Variants in NLGN4X observed in about 807,000 individuals in gnomAD.
NLGN4X encodes the protein neuroligin-4, X-linked.
A neutral mutation model predicts 40.3 loss-of-function variants in NLGN4X; 3 were observed. The observed-to-expected ratio is 0.07, with a 90% CI of 0.03 to 0.19. The LOEUF (loss-of-function observed/expected upper bound fraction) is 0.19. Among genes scored for constraint, NLGN4X ranks in the 10% least tolerant of loss-of-function variants. NLGN4X has a pLI of 1.00. For synonymous variants in NLGN4X, 270 were observed against 306.8 expected, an observed-to-expected ratio of 0.88 and a Z score of 1.25; for missense variants, 382 against 708.3, an observed-to-expected ratio of 0.54 and a Z score of 5.23.
intron 2 of NLGN4X, among the ~76,000 whole-genome samples, chrX:6,146,941 C>T (rs2040059541): frequency 9.1e-6 from 1 of 109,920 alleles, no homozygotes; most frequent in African/African-American, 3.3e-5. Context: ...CAGGCGCACA[C>T]CACCATGCCC....
chrX:5,996,029 CAAG>C (rs963353053), intron 3 of NLGN4X, among the ~76,000 whole-genome samples: 1 of 98,229 alleles, frequency 1.0e-5, no homozygotes, highest in African/African-American at 3.3e-5. Context: ...CATTTCTGTA[CAAG>C]ATGACACATG....
At chrX:5,907,102 G>C (rs1357045538) in intron 4 of NLGN4X, among the ~76,000 whole-genome samples, 4 of 110,880 alleles carry the variant, frequency 3.6e-5, no homozygotes, top group African/African-American at 1.3e-4. Flanking sequence ...ATTCCATGAA[G>C]GTTTTGAGAA....
At chrX:5,937,988 A>T (rs1372802203) in intron 3 of NLGN4X, among the ~76,000 whole-genome samples, 1 of 111,714 alleles carries the variant, frequency 9.0e-6, no homozygotes, top group African/African-American at 3.3e-5. Context: ...GGACTAAGAG[A>T]CTCAAATCCC....
chrX:6,174,725 T>C (rs1267457727), intron 1 of NLGN4X, among the ~76,000 whole-genome samples: 3 of 111,740 alleles, frequency 2.7e-5, no homozygotes, highest in Non-Finnish European at 5.6e-5. Flanking sequence ...TTCTCACTTA[T>C]AAGTGGGAGC....
chrX:6,033,035 A>T (rs1227425490), intron 2 of NLGN4X, among the ~76,000 whole-genome samples: 1 of 8,054 alleles, frequency 1.2e-4, no homozygotes, highest in East Asian at 1.1e-3. Context: ...AAATGATGCT[A>T]CTGCAAAAAA....
intron 2 of NLGN4X, among the ~76,000 whole-genome samples, chrX:6,051,198 T>C (rs756703871): frequency 2.3e-4 from 26 of 112,162 alleles, no homozygotes; most frequent in Admixed American, 6.6e-4. Flanking sequence ...AGATACTATG[T>C]TGTCTCCTAT....
intron 2 of NLGN4X, among the ~76,000 whole-genome samples, chrX:6,076,358 A>G (rs979072671): frequency 8.9e-6 from 1 of 112,053 alleles, no homozygotes; most frequent in Non-Finnish European, 1.9e-5. Flanking sequence ...AGTCCTATCA[A>G]AATCAGCCAC....
intron 3 of NLGN4X, among the ~76,000 whole-genome samples, chrX:5,984,930 G>T (rs1223118786): frequency 9.0e-6 from 1 of 111,594 alleles, no homozygotes; most frequent in African/African-American, 3.3e-5. Context: ...AAAAAGTAAT[G>T]AAACATAAAT....
chrX:5,946,796 C>A (rs1397961861), intron 3 of NLGN4X, among the ~76,000 whole-genome samples: 1 of 111,010 alleles, frequency 9.0e-6, no homozygotes, highest in African/African-American at 3.3e-5. Flanking sequence ...AAGCCAAGTA[C>A]TCAATAGTTA....
At chrX:6,106,265 G>T (rs2039030882) in intron 2 of NLGN4X, among the ~76,000 whole-genome samples, 1 of 111,387 alleles carries the variant, frequency 9.0e-6, no homozygotes, top group South Asian at 3.8e-4. Context: ...AGGGACTCTG[G>T]ATCTGTATGT....
intron 3 of NLGN4X, among the ~76,000 whole-genome samples, chrX:5,995,633 A>G (rs2035796518): frequency 8.9e-6 from 1 of 112,385 alleles, no homozygotes; most frequent in South Asian, 3.7e-4. Flanking sequence ...AAGCACAGAT[A>G]TGAATTTTAG....
intron 3 of NLGN4X, among the ~76,000 whole-genome samples, chrX:5,920,212 A>G (rs2032975447): frequency 8.9e-6 from 1 of 112,259 alleles, no homozygotes; most frequent in Middle Eastern, 4.2e-3. Context: ...GGGTGAGGAG[A>G]ACAGAAGGAG....
intron 2 of NLGN4X, among the ~76,000 whole-genome samples, chrX:6,056,457 T>G (rs781221130): frequency 9.2e-6 from 1 of 108,188 alleles, no homozygotes; most frequent in African/African-American, 3.4e-5. Context: ...GCCAGGGTGA[T>G]AGAGGGAGAT....
At chrX:6,069,995 G>C (rs1055810295) in intron 2 of NLGN4X, among the ~76,000 whole-genome samples, 5 of 111,691 alleles carry the variant, frequency 4.5e-5, no homozygotes, top group African/African-American at 1.6e-4. Flanking sequence ...TCGTAGCTGG[G>C]TCAAGCTCAT....
At chrX:5,985,447 TA>T (rs1341284307) in intron 3 of NLGN4X, among the ~76,000 whole-genome samples, 1 of 110,025 alleles carries the variant, frequency 9.1e-6, no homozygotes. Context: ...TTTATTTATT[TA>T]TTTTTTTTTA....
intron 1 of NLGN4X, among the ~76,000 whole-genome samples, chrX:6,155,863 A>G (rs2040252190): frequency 8.9e-6 from 1 of 112,329 alleles, no homozygotes; most frequent in South Asian, 3.7e-4. Flanking sequence ...CACACTAGTC[A>G]GAATGGCTAT....
chrX:5,977,481 C>T (rs1300954340), intron 3 of NLGN4X, among the ~76,000 whole-genome samples: 1 of 111,098 alleles, frequency 9.0e-6, no homozygotes, highest in Non-Finnish European at 1.9e-5. Context: ...CTTGGCCTTC[C>T]CAAATGCCAG....
At position 5,892,958 on chromosome X, in the gene NLGN4X, G is replaced by A. The variant is rs780768055; in HGVS notation, c.2310C>T (p.Asp770=). The change falls in exon 6 of 6, where the codon GAC becomes GAT. Residue 770 remains aspartate (D), a synonymous_variant. Transcript: ENST00000381095. The part of the protein sequence containing the change: ...YTLTLRRSPD[D]IPLMTPNTIT... ...TGGTGTTTGGCGTCATAAGTGGGAT[G>A]TCATCTGGCGACCGGCGCAGCGTGA... is the stretch of plus-strand genomic sequence containing the variant. 1.7e-6 allele frequency: 2 copies of A among 1,211,623 alleles called. No homozygotes were observed. The highest frequency in any genetic ancestry group is 1.8e-5 in the South Asian group (1 of 56,957).
chrX:5,907,633 A>G (rs766045019), intron 4 of NLGN4X, among the ~76,000 whole-genome samples: 24 of 111,088 alleles, frequency 2.2e-4, no homozygotes, highest in Non-Finnish European at 4.3e-4. Flanking sequence ...CACTTTGCCA[A>G]CATCAGCTTT....
Sources: gnomAD v4.1 joint callset for allele counts (sites outside exome capture counted in the v4.1 genomes callset) on GRCh38, gnomAD v4.1.1 for gene constraint, MANE v1.5 for transcripts, NCBI Gene and HGNC (gene_info 2026-07-23, HGNC 2026-07-21) for gene names.